Variants in GNG2 observed in about 807,000 individuals in gnomAD.
GNG2 encodes the protein G protein subunit gamma 2, also known as guanine nucleotide-binding protein G(I)/G(S)/G(O) subunit gamma-2.
In GNG2, 5 loss-of-function variants were observed where a neutral mutation model predicts 5.5. That is an observed-to-expected ratio of 0.91 (90% CI 0.48 to 1.92). GNG2 has a LOEUF of 1.92. GNG2 is among the 30% of genes most tolerant of loss of function. The pLI is 0.01. For missense variants in GNG2, 55 were observed against 88.4 expected (o/e 0.62, Z 1.52); for synonymous variants, 28 against 32.0 (o/e 0.88, Z 0.42).
At chr14:51,901,734 G>A (rs117723435) in intron 2 of GNG2, among the ~76,000 whole-genome samples, 2,453 of 151,848 alleles carry the variant, frequency 0.016, 27 homozygotes, top group East Asian at 0.034. Context: ...TTGGAAGTGG[G>A]GGTTGGGGAG....
At chr14:51,932,905 G>A (rs1887750058) in intron 2 of GNG2, among the ~76,000 whole-genome samples, 1 of 151,910 alleles carries the variant, frequency 6.6e-6, no homozygotes, top group Non-Finnish European at 1.5e-5. Flanking sequence ...GGTGGGGTGG[G>A]GGCGCCTAAA....
At chr14:51,829,672 A>C (rs984184151) in intron 2 of GNG2, among the ~76,000 whole-genome samples, 1 of 151,974 alleles carries the variant, frequency 6.6e-6, no homozygotes, top group Non-Finnish European at 1.5e-5. Flanking sequence ...CACTGTCCCC[A>C]ATTCCTTCCC....
intron 2 of GNG2, among the ~76,000 whole-genome samples, chr14:51,829,782 T>C (rs1881131288): frequency 6.6e-6 from 1 of 151,976 alleles, no homozygotes; most frequent in Non-Finnish European, 1.5e-5. Context: ...CTAAACCTAA[T>C]GTTCAGTTCT....
chr14:51,905,468 T>A (rs1885857029), intron 2 of GNG2, among the ~76,000 whole-genome samples: 1 of 152,186 alleles, frequency 6.6e-6, no homozygotes, highest in Non-Finnish European at 1.5e-5. Context: ...ACTACATGGT[T>A]TGGCTGAGCT....
At chr14:51,829,339 G>A (rs191198022) in intron 2 of GNG2, among the ~76,000 whole-genome samples, 1 of 152,280 alleles carries the variant, frequency 6.6e-6, no homozygotes, top group Admixed American at 6.5e-5. Flanking sequence ...GGACACACCT[G>A]CAAGCTATTG....
At chr14:51,921,457 T>C (rs1176950612) in intron 2 of GNG2, among the ~76,000 whole-genome samples, 1 of 152,230 alleles carries the variant, frequency 6.6e-6, no homozygotes, top group African/African-American at 2.4e-5. Flanking sequence ...GAACCAATAA[T>C]TGACATTTCC....
At chr14:51,910,846 A>G (rs894286868) in intron 2 of GNG2, among the ~76,000 whole-genome samples, 7 of 152,352 alleles carry the variant, frequency 4.6e-5, no homozygotes, top group Admixed American at 2.6e-4. Flanking sequence ...AAAATGTTCA[A>G]TGTAAAAAGC....
upstream of GNG2, among the ~76,000 whole-genome samples, chr14:51,859,094 G>A (rs988516446): frequency 1.3e-5 from 2 of 152,182 alleles, no homozygotes; most frequent in African/African-American, 2.4e-5. Context: ...AACATTTCCT[G>A]TTAGTTTACT....
In GNG2 at chr14:51,967,037, G is replaced by T; in HGVS notation, c.*350G>T. 6.5e-6 allele frequency: 1 copy of T among 153,058 alleles called. No homozygotes were observed. Among genetic ancestry groups the T allele is most frequent in the Non-Finnish European group, 1.4e-5 (1 of 73,166 alleles). 9.5% of individuals were successfully genotyped at this position (153,058 alleles called of 1,614,324 possible). A position where few individuals can be genotyped will look rare whatever the true frequency, so the allele number is the denominator to read the frequency against. On this transcript the variant is annotated 3_prime_UTR_variant, in exon 4 of 4. Transcript: ENST00000556766. ...AATTAAAACAGACAGCTGTACTGAG[G>T]TAAGATATGTGTGACCTTCTTGGAA...
intron 2 of GNG2, among the ~76,000 whole-genome samples, chr14:51,905,489 T>C (rs752667202): frequency 6.6e-6 from 1 of 152,214 alleles, no homozygotes; most frequent in Non-Finnish European, 1.5e-5. Flanking sequence ...TTTCTGACCA[T>C]ACCTTTAGAT....
At chr14:51,938,238 T>C (rs75030311) in intron 2 of GNG2, among the ~76,000 whole-genome samples, 1,862 of 152,340 alleles carry the variant, frequency 0.012, 43 homozygotes, top group African/African-American at 0.043. Flanking sequence ...GGATTGCTCA[T>C]GAAGTTCTTG....
chr14:51,865,347 G>T (rs913018955), intron 1 of GNG2, among the ~76,000 whole-genome samples: 1 of 151,982 alleles, frequency 6.6e-6, no homozygotes, highest in Admixed American at 6.5e-5. Context: ...CCTCCAAGAT[G>T]ATGACTATGT....
chr14:51,853,093 C>G (rs1021392128), intron 2 of GNG2, among the ~76,000 whole-genome samples: 10 of 152,168 alleles, frequency 6.6e-5, no homozygotes, highest in Non-Finnish European at 1.2e-4. Flanking sequence ...GTTGTTCACT[C>G]ATTCTCTTAA....
At chr14:51,879,926 A>G (rs80323936) in intron 2 of GNG2, among the ~76,000 whole-genome samples, 2,087 of 152,322 alleles carry the variant, frequency 0.014, 50 homozygotes, top group African/African-American at 0.048. Flanking sequence ...TACAAAGTCA[A>G]AGAGACTAAT....
At chr14:51,893,284 C>G (rs1884980126) in intron 2 of GNG2, among the ~76,000 whole-genome samples, 1 of 152,204 alleles carries the variant, frequency 6.6e-6, no homozygotes. Context: ...GAAATTACCA[C>G]TCTAATGGGT....
chr14:51,897,124 C>A (rs1261649573), intron 2 of GNG2, among the ~76,000 whole-genome samples: 1 of 152,156 alleles, frequency 6.6e-6, no homozygotes, highest in Non-Finnish European at 1.5e-5. Flanking sequence ...TGTTGACTTA[C>A]CATGGAGTAT....
At chr14:51,850,832 C>T (rs1171799496) in intron 2 of GNG2, among the ~76,000 whole-genome samples, 1 of 152,060 alleles carries the variant, frequency 6.6e-6, no homozygotes, top group African/African-American at 2.4e-5. Flanking sequence ...TTTAAGTGAT[C>T]AGATCTCCTG....
At chr14:51,829,520 T>C (rs1260001903) in intron 2 of GNG2, among the ~76,000 whole-genome samples, 1 of 152,160 alleles carries the variant, frequency 6.6e-6, no homozygotes, top group Non-Finnish European at 1.5e-5. Context: ...ACTCATCTCC[T>C]ACTACAGACC....
intron 2 of GNG2, among the ~76,000 whole-genome samples, chr14:51,932,621 C>T (rs1036245434): frequency 2.0e-5 from 3 of 151,890 alleles, no homozygotes; most frequent in Admixed American, 2.0e-4. Context: ...GAGACTCTGT[C>T]TCTAAAATAA....
Sources: gnomAD v4.1 joint callset for allele counts (sites outside exome capture counted in the v4.1 genomes callset) on GRCh38, gnomAD v4.1.1 for gene constraint, MANE v1.5 for transcripts, NCBI Gene and HGNC (gene_info 2026-07-23, HGNC 2026-07-21) for gene names.